The following BDH1 variants were observed in gnomAD, a reference collection of about 807,000 sequenced individuals.
BDH1 encodes 3-hydroxybutyrate dehydrogenase 1.
A neutral mutation model predicts 33.1 loss-of-function variants in BDH1; 30 were observed. The ratio of observed to expected loss-of-function variants is 0.91; its 90% CI spans 0.68 to 1.23. The LOEUF is 1.23. BDH1 is among the 50% of genes most tolerant of loss of function. The pLI is 0.00. For synonymous variants in BDH1, 190 were observed against 183.6 expected, an observed-to-expected ratio of 1.03 and a Z score of -0.28; for missense variants, 443 against 464.4, an observed-to-expected ratio of 0.95 and a Z score of 0.42.
chr3:197,556,927 A>T (rs1717075793), upstream of BDH1, among the ~76,000 whole-genome samples: 1 of 152,208 alleles, frequency 6.6e-6, no homozygotes, highest in Non-Finnish European at 1.5e-5. Context: ...GGGGCCCCCA[A>T]ATCACTAGGC....
At chr3:197,542,213 G>A (rs1181693644) in intron 3 of BDH1, among the ~76,000 whole-genome samples, 1 of 152,208 alleles carries the variant, frequency 6.6e-6, no homozygotes, top group Non-Finnish European at 1.5e-5. Context: ...AAAAAAACAA[G>A]GAGCCTGGGC....
intron 6 of BDH1, among the ~76,000 whole-genome samples, chr3:197,518,372 C>CG (rs1486657455): frequency 2.0e-4 from 4 of 20,160 alleles, no homozygotes; most frequent in African/African-American, 9.5e-4. Context: ...GGCCGACCCC[C>CG]CCCATCAGTC....
chr3:197,573,157 T>A (rs902434734), intron 1 of BDH1: 2 of 152,208 alleles, frequency 1.3e-5, no homozygotes, highest in African/African-American at 4.8e-5. Flanking sequence ...ACAGCCCACA[T>A]GTTCAAGTTC....
Position 197,572,943 on chromosome 3 carries a change from A to G in BDH1, c.-44+238T>C, listed in dbSNP as rs533392544. ...TTTTCCAATTATTTTCCCAATGAAT[A>G]CATATTACTTTTTATTTATCCCTAT... On this transcript the variant is annotated intron_variant, in intron 1 of 6. Coordinates refer to the BDH1 transcript ENST00000358186. Among the ~76,000 whole-genome samples, 18 of 152,314 alleles carry G rather than the reference A, an allele frequency of 1.2e-4. No individual in the cohort carries two copies. The East Asian group carries it at 2.7e-3, about 23-fold the overall frequency.
rs1251446152 is a variant in BDH1, at chr3:197,522,740, G to T, written c.309C>A (p.Asn103Lys). 1.9e-6 allele frequency: 3 copies of T among 1,614,204 alleles called. No individual in the cohort carries two copies. In the South Asian group the frequency reaches 3.3e-5, roughly 18 times the overall value. Residue 103 changes from asparagine (N) to lysine (K), a missense_variant, in exon 6 of 8, where the codon AAC becomes AAA. Transcript: ENST00000392379. The surrounding 1 kb of genome is among the most constrained non-coding windows in gnomAD (Gnocchi z 4.8). ...HDGVKELDSLNSDRLRTVQLN... is the reference protein window; with the variant it reads ...HDGVKELDSLKSDRLRTVQLN... ...GCTGGACGGTTCTCAATCGGTCACT[G>T]TTTAGGCTGTCCAGCTCCTTGACCC...
rs1553865645 is a variant in BDH1, at chr3:197,510,599, G to GGGTGTGTGT, written c.*1295_*1296insACACACACC. On this transcript the variant is annotated 3_prime_UTR_variant, in exon 8 of 8. Transcript: ENST00000392379. ...CCACGCTGAAGCCCTGCAGAACAGG[G>GGGTGTGTGT]GTGTGTGTGTGTGTGTGTGTGTGTG... 4.0e-5 allele frequency: 3 copies of GGGTGTGTGT among 75,374 alleles called. No individual in the cohort carries two copies. Among genetic ancestry groups the GGGTGTGTGT allele is most frequent in the East Asian group, 7.8e-4 (1 of 1,274 alleles). The allele number at this position is 75,374 out of a possible 1,614,324, so 4.7% of individuals were successfully genotyped here.
intron 1 of BDH1, among the ~76,000 whole-genome samples, chr3:197,555,036 AG>A: frequency 6.6e-6 from 1 of 152,310 alleles, no homozygotes; most frequent in East Asian, 1.9e-4. Context: ...GCCCAGCCAA[AG>A]CCCCCTTGTC....
At chr3:197,553,986 C>CA (rs1716784438) in intron 2 of BDH1, among the ~76,000 whole-genome samples, 1 of 152,230 alleles carries the variant, frequency 6.6e-6, no homozygotes, top group African/African-American at 2.4e-5. Flanking sequence ...CCCGAGGACA[C>CA]AAGCTGAGCC....
chr3:197,533,568 G>A lies in BDH1; in HGVS notation c.84-7C>T, dbSNP rs370220510. On this transcript the variant is annotated splice_polypyrimidine_tract_variant and splice_region_variant and intron_variant, in intron 3 of 7. Transcript: ENST00000392379. ...ACCAAGCAATAGTGGGCGTCTGCAA[G>A]AGAAAAGGAAGCCGTGAGTACAAGG... is the stretch of plus-strand genomic sequence containing the variant. The A allele has an allele frequency of 1.5e-5, 24 of 1,614,040 alleles. No homozygotes were observed. Among genetic ancestry groups the A allele is most frequent in the Admixed American group, 5.0e-5 (3 of 60,014 alleles).
intron 2 of BDH1, among the ~76,000 whole-genome samples, chr3:197,549,192 C>G (rs1716348315): frequency 6.6e-6 from 1 of 152,138 alleles, no homozygotes; most frequent in African/African-American, 2.4e-5. Flanking sequence ...GGGCTTGACT[C>G]CCAGGGACCA....
intron 2 of BDH1, 139 bp from the exon 3 acceptor site, chr3:197,546,625 A>G: frequency 1.7e-6 from 1 of 591,668 alleles, no homozygotes; most frequent in Non-Finnish European, 3.0e-6. Context: ...ACCACCAGGT[A>G]GTCCACTCTG....
chr3:197,537,539 G>A (rs1420133439), intron 3 of BDH1, among the ~76,000 whole-genome samples: 1 of 152,130 alleles, frequency 6.6e-6, no homozygotes, highest in East Asian at 1.9e-4. Flanking sequence ...GCACTGGCTA[G>A]AAATTACAGC....
At chr3:197,524,405 G>A (rs769268018) in intron 5 of BDH1, among the ~76,000 whole-genome samples, 1 of 152,240 alleles carries the variant, frequency 6.6e-6, no homozygotes, top group Admixed American at 6.5e-5. Flanking sequence ...TGGTTAGGCT[G>A]AGCCTTCTGA....
intron 6 of BDH1, among the ~76,000 whole-genome samples, chr3:197,518,643 C>T (rs1253022993): frequency 8.8e-5 from 1 of 11,326 alleles, no homozygotes; most frequent in Non-Finnish European, 2.0e-4. Context: ...CCGACCCCCC[C>T]CATCAGTCAC....
chr3:197,562,288 A>G (rs1717291640), intron 1 of BDH1, among the ~76,000 whole-genome samples: 1 of 152,178 alleles, frequency 6.6e-6, no homozygotes. Flanking sequence ...GATGCATTCT[A>G]AAGGGTCTTA....
At chr3:197,538,104 A>G (rs1376186550) in intron 3 of BDH1, among the ~76,000 whole-genome samples, 3 of 152,166 alleles carry the variant, frequency 2.0e-5, no homozygotes, top group Non-Finnish European at 4.4e-5. Flanking sequence ...CATACTTACT[A>G]AATTATTTAT....
upstream of BDH1, among the ~76,000 whole-genome samples, chr3:197,558,348 G>A (rs1461358519): frequency 6.6e-6 from 1 of 152,208 alleles, no homozygotes; most frequent in African/African-American, 2.4e-5. Context: ...TTGACCAAAG[G>A]GCAGGCAGGA....
intron 1 of BDH1, among the ~76,000 whole-genome samples, chr3:197,566,562 C>G (rs1479411776): frequency 1.3e-5 from 2 of 151,246 alleles, no homozygotes; most frequent in Non-Finnish European, 2.9e-5. Flanking sequence ...ATTTAAAAGC[C>G]TATGTAAAAA....
rs753434076 is a variant in BDH1, at chr3:197,516,419, G to T, written c.410-2003C>A. Among the ~76,000 whole-genome samples, 2 of 152,176 alleles carry T rather than the reference G, an allele frequency of 1.3e-5. No homozygotes were observed. Among genetic ancestry groups the T allele is most frequent in the Non-Finnish European group, 2.9e-5 (2 of 68,034 alleles). On this transcript the variant is annotated intron_variant, in intron 6 of 7. Transcript: ENST00000392379. This position sits in a 1 kb window ranked among gnomAD's most constrained non-coding sequence, Gnocchi z 4.2. ...GACCTGTGAAAGTGCACAGCCCCTG[G>T]ATTACAGCTTTAATGAGTGTTGAGA...
Sources: allele counts gnomAD v4.1 joint callset (sites outside exome capture counted in the v4.1 genomes callset), GRCh38; gene constraint gnomAD v4.1.1; non-coding constraint Gnocchi (gnomAD v3.1); transcripts MANE v1.5; gene names NCBI Gene and HGNC (gene_info 2026-07-23, HGNC 2026-07-21).